Variants in RASEF observed in about 807,000 individuals in gnomAD.
RASEF encodes the protein RAS and EF-hand domain containing.
RASEF carries 68 observed loss-of-function variants against 90.1 expected under a neutral mutation model. That is an observed-to-expected ratio of 0.75 (90% CI 0.62 to 0.92). The LOEUF (loss-of-function observed/expected upper bound fraction) is 0.92. Among genes scored for constraint, RASEF ranks in the 40% least tolerant of loss-of-function variants. The probability of loss-of-function intolerance (pLI) is 0.00; values close to 1 mark genes in which losing one functional copy is unlikely to be tolerated. For missense variants in RASEF, 949 were observed against 937.2 expected, an observed-to-expected ratio of 1.01 and a Z score of -0.16; for synonymous variants, 331 against 345.2, an observed-to-expected ratio of 0.96 and a Z score of 0.46.
At chr9:83,024,984 A>T (rs569358432) in intron 2 of RASEF, among the ~76,000 whole-genome samples, 1 of 152,328 alleles carries the variant, frequency 6.6e-6, no homozygotes, top group East Asian at 1.9e-4. Flanking sequence ...GTGTGGCACA[A>T]CACACAAGAA....
chr9:83,140,349 G>T, the RASEF span, among the ~76,000 whole-genome samples: 1 of 152,170 alleles, frequency 6.6e-6, no homozygotes, highest in Non-Finnish European at 1.5e-5. Context: ...AATGCAGCAA[G>T]ACCTCTAATG....
At chr9:83,072,873 T>C in the RASEF span, among the ~76,000 whole-genome samples, 1 of 152,198 alleles carries the variant, frequency 6.6e-6, no homozygotes, top group Non-Finnish European at 1.5e-5. Flanking sequence ...AACAATACTT[T>C]GCATCCTTCA....
chr9:83,101,602 C>T, the RASEF span, among the ~76,000 whole-genome samples: 1 of 152,120 alleles, frequency 6.6e-6, no homozygotes, highest in Non-Finnish European at 1.5e-5. Flanking sequence ...GTAAATGATT[C>T]AATGAATGGA....
chr9:83,021,032 AC>A (rs1251601740), intron 3 of RASEF, among the ~76,000 whole-genome samples: 1 of 152,224 alleles, frequency 6.6e-6, no homozygotes, highest in Non-Finnish European at 1.5e-5. Context: ...AGAAGATAGG[AC>A]AACAAAGACA....
intron 4 of RASEF, among the ~76,000 whole-genome samples, chr9:83,015,486 GC>G (rs1173406561): frequency 4.6e-5 from 7 of 152,140 alleles, no homozygotes; most frequent in Non-Finnish European, 8.8e-5. Flanking sequence ...TTTGAGACCA[GC>G]CTGGCCGACA....
chr9:83,116,492 A>T, the RASEF span, among the ~76,000 whole-genome samples: 1 of 151,206 alleles, frequency 6.6e-6, no homozygotes, highest in African/African-American at 2.5e-5. Context: ...TCTTTATAGA[A>T]ATACTGGGAA....
chr9:83,206,978 C>G, the RASEF span, among the ~76,000 whole-genome samples: 2 of 152,134 alleles, frequency 1.3e-5, no homozygotes, highest in African/African-American at 2.4e-5. Flanking sequence ...ACCTGCCTTT[C>G]CCTCCTGGAG....
At chr9:83,027,661 T>TAA (rs1829571758) in intron 1 of RASEF, among the ~76,000 whole-genome samples, 1 of 152,242 alleles carries the variant, frequency 6.6e-6, no homozygotes, top group African/African-American at 2.4e-5. Flanking sequence ...GTAGCTGATC[T>TAA]GAAAGAGGAT....
chr9:83,003,351 T>A (rs983090649), intron 9 of RASEF, among the ~76,000 whole-genome samples: 1 of 152,158 alleles, frequency 6.6e-6, no homozygotes, highest in Admixed American at 6.5e-5. Context: ...TCCCCTAGAA[T>A]CTTTCGTTGA....
At chr9:83,029,797 T>TA (rs1219890497) in intron 1 of RASEF, among the ~76,000 whole-genome samples, 1 of 152,120 alleles carries the variant, frequency 6.6e-6, no homozygotes, top group African/African-American at 2.4e-5. Flanking sequence ...ATATTATTAA[T>TA]AAACCTGCAG....
chr9:83,185,791 AGG>A, the RASEF span, among the ~76,000 whole-genome samples: 1 of 152,142 alleles, frequency 6.6e-6, no homozygotes, highest in Admixed American at 6.6e-5. Context: ...AGGTGCCCAG[AGG>A]AACAGATGAA....
chr9:83,062,348 G>T (rs918538842), intron 1 of RASEF, 89 bp downstream of exon 1: 21 of 1,156,166 alleles, frequency 1.8e-5, no homozygotes, highest in South Asian at 2.8e-5. Context: ...TAGGGGGGGG[G>T]GCCATTGGGT....
intron 2 of RASEF, among the ~76,000 whole-genome samples, chr9:83,022,915 C>T (rs1298413809): frequency 6.6e-6 from 1 of 152,144 alleles, no homozygotes; most frequent in Non-Finnish European, 1.5e-5. Context: ...GGACCACTGT[C>T]ATTTAGGTAA....
chr9:83,063,148 C>T (rs1300289493), upstream of RASEF: 1 of 415,272 alleles, frequency 2.4e-6, no homozygotes, highest in Non-Finnish European at 4.2e-6. Flanking sequence ...CGACTGAGCG[C>T]CCAAGCGCCG....
At chr9:83,095,919 A>G in the RASEF span, among the ~76,000 whole-genome samples, 492 of 152,274 alleles carry the variant, frequency 3.2e-3, 1 homozygote, top group Admixed American at 5.7e-3. Context: ...TTATCCCTGT[A>G]GAGCTCAGGT....
the RASEF span, among the ~76,000 whole-genome samples, chr9:83,110,186 T>C: frequency 6.6e-6 from 1 of 152,124 alleles, no homozygotes; most frequent in African/African-American, 2.4e-5. Context: ...GAAAAGATGA[T>C]GACCAGCAAA....
chr9:83,130,475 A>G, the RASEF span, among the ~76,000 whole-genome samples: 1 of 151,706 alleles, frequency 6.6e-6, no homozygotes, highest in Non-Finnish European at 1.5e-5. Context: ...TGTACATTCT[A>G]TGGGTTTGGA....
At chr9:83,178,254 A>G in the RASEF span, among the ~76,000 whole-genome samples, 4 of 152,164 alleles carry the variant, frequency 2.6e-5, no homozygotes, top group Non-Finnish European at 4.4e-5. Flanking sequence ...AAAACACCAC[A>G]TATCTTACCC....
the RASEF span, among the ~76,000 whole-genome samples, chr9:83,158,848 C>A: frequency 3.3e-5 from 5 of 150,106 alleles, no homozygotes; most frequent in African/African-American, 1.2e-4. Flanking sequence ...ACACACTCAC[C>A]TGGGGTAGGT....
Sources: allele counts gnomAD v4.1 joint callset (sites outside exome capture counted in the v4.1 genomes callset), GRCh38; gene constraint gnomAD v4.1.1; transcripts MANE v1.5; gene names NCBI Gene and HGNC (gene_info 2026-07-23, HGNC 2026-07-21).